PARD3B: variants seen among roughly 807,000 people sequenced by gnomAD.
The protein encoded by PARD3B is partitioning defective 3 homolog B.
A neutral mutation model predicts 130.2 loss-of-function variants in PARD3B; 103 were observed. The observed-to-expected ratio is 0.79, with a 90% confidence interval of 0.67 to 0.93. The LOEUF is 0.93. Among genes scored for constraint, PARD3B ranks in the 40% least tolerant of loss-of-function variants. The probability of loss-of-function intolerance (pLI) is 0.00; values close to 1 mark genes in which losing one functional copy is unlikely to be tolerated. For synonymous variants in PARD3B, 583 were observed against 553.2 expected (o/e 1.05, Z -0.76); for missense variants, 1,609 against 1,499.2 (o/e 1.07, Z -1.21).
intron 2 of PARD3B, among the ~76,000 whole-genome samples, chr2:204,844,416 AT>A (rs1173196156): frequency 6.6e-6 from 1 of 152,136 alleles, no homozygotes; most frequent in African/African-American, 2.4e-5. Context: ...GCAAAATTTT[AT>A]TTTTAAGTTA....
In PARD3B at chr2:204,983,947, G is replaced by A. The variant is rs577054147; in HGVS notation, c.394+18624G>A. On this transcript the variant is annotated intron_variant, in intron 3 of 22. Coordinates refer to ENST00000406610, the MANE Select transcript of PARD3B (RefSeq NM_001302769.2). Reference sequence around the variant, plus strand: ...AAACTTGTATTGAAGTTGTATGTCAGTACCCGTCCCCTCCTCTGTATGGAC... The same window carrying A: ...AAACTTGTATTGAAGTTGTATGTCAATACCCGTCCCCTCCTCTGTATGGAC... Among the ~76,000 whole-genome samples the A allele has an allele frequency of 4.3e-4, 65 of 152,020 alleles. 1 individual carries two copies. In the South Asian group the frequency reaches 7.5e-3, roughly 17 times the overall value.
At chr2:204,977,386 A>C (rs368011657) in intron 3 of PARD3B, among the ~76,000 whole-genome samples, 26 of 152,270 alleles carry the variant, frequency 1.7e-4, no homozygotes, top group African/African-American at 5.5e-4. Context: ...CCCTCAACTG[A>C]CCCAGAACAC....
chr2:205,068,379 T>G (rs1700516952), intron 4 of PARD3B, among the ~76,000 whole-genome samples: 1 of 152,302 alleles, frequency 6.6e-6, no homozygotes, highest in East Asian at 1.9e-4. Flanking sequence ...TTTGTACATA[T>G]TCTGTTTTTA....
intron 2 of PARD3B, among the ~76,000 whole-genome samples, chr2:204,752,579 C>A (rs538425815): frequency 9.7e-4 from 148 of 152,224 alleles, no homozygotes; most frequent in Non-Finnish European, 1.7e-3. Context: ...AAGCTTAGAA[C>A]GAAATTCATT....
chr2:205,455,627 A>G (rs1457347279), intron 20 of PARD3B, among the ~76,000 whole-genome samples: 1 of 151,894 alleles, frequency 6.6e-6, no homozygotes, highest in East Asian at 1.9e-4. Flanking sequence ...TATAGTTATA[A>G]TTATTATATA....
chr2:204,770,425 A>G (rs1310855151), intron 2 of PARD3B, among the ~76,000 whole-genome samples: 2 of 148,224 alleles, frequency 1.3e-5, no homozygotes, highest in African/African-American at 5.0e-5. Flanking sequence ...ACTTCCAACT[A>G]TGTGGTCAAT....
At chr2:204,919,105 A>T (rs7572649) in intron 2 of PARD3B, among the ~76,000 whole-genome samples, 15 of 152,028 alleles carry the variant, frequency 9.9e-5, no homozygotes, top group Non-Finnish European at 1.5e-4. Context: ...TGCTTTATTA[A>T]GTATCTATTT....
chr2:204,789,175 G>C (rs1398981667), intron 2 of PARD3B, among the ~76,000 whole-genome samples: 1 of 152,144 alleles, frequency 6.6e-6, no homozygotes, highest in African/African-American at 2.4e-5. Flanking sequence ...TCTTGCCTCA[G>C]CCTCCAGAGT....
intron 21 of PARD3B, among the ~76,000 whole-genome samples, chr2:205,532,603 A>C (rs747009964): frequency 6.6e-6 from 1 of 152,168 alleles, no homozygotes; most frequent in Non-Finnish European, 1.5e-5. Flanking sequence ...AATTATACAC[A>C]ATGAAACTAT....
intron 2 of PARD3B, among the ~76,000 whole-genome samples, chr2:204,730,116 C>T (rs1020842193): frequency 1.3e-5 from 2 of 151,604 alleles, no homozygotes; most frequent in Non-Finnish European, 2.9e-5. Context: ...CTCTTGTCAC[C>T]CAGGCTGGAG....
At chr2:204,600,077 A>C (rs559308264) in intron 1 of PARD3B, among the ~76,000 whole-genome samples, 6 of 151,496 alleles carry the variant, frequency 4.0e-5, no homozygotes, top group African/African-American at 1.4e-4. Context: ...TTTATTTTGA[A>C]TATTAATCCC....
At chr2:205,406,375 C>T (rs2106033190) in intron 19 of PARD3B, among the ~76,000 whole-genome samples, 1 of 152,058 alleles carries the variant, frequency 6.6e-6, no homozygotes, top group South Asian at 2.1e-4. Flanking sequence ...AGGGAAAAGT[C>T]CTTAAAATTA....
At chr2:205,127,805 A>C (rs985745818) in intron 10 of PARD3B, among the ~76,000 whole-genome samples, 1 of 152,136 alleles carries the variant, frequency 6.6e-6, no homozygotes, top group Admixed American at 6.5e-5. Context: ...TCCATACCCA[A>C]CCATTTGAAA....
At chr2:204,777,142 T>G (rs2041655857) in intron 2 of PARD3B, among the ~76,000 whole-genome samples, 1 of 152,176 alleles carries the variant, frequency 6.6e-6, no homozygotes, top group Admixed American at 6.5e-5. Flanking sequence ...AAAAACAACT[T>G]TGAATAAGTT....
In PARD3B at chr2:204,624,824, T is replaced by C. The variant is rs538220546; in HGVS notation, c.121-61357T>C. On this transcript the variant is annotated intron_variant, in intron 1 of 22. Transcript: ENST00000406610. ...TAAACTGTCAAACGATTTTCCAGAG[T>C]AGCTGTACTGCTTTCTACTGTCACC... Among the ~76,000 whole-genome samples the C allele has an allele frequency of 1.1e-4, 16 of 152,202 alleles. No homozygotes were observed. In the East Asian group the frequency reaches 3.1e-3, roughly 29 times the overall value.
At chr2:205,469,812 A>G (rs1335848128) in intron 20 of PARD3B, among the ~76,000 whole-genome samples, 1 of 152,212 alleles carries the variant, frequency 6.6e-6, no homozygotes, top group Non-Finnish European at 1.5e-5. Context: ...TGCTTCCCCC[A>G]TTTTAAAAAG....
In PARD3B at chr2:205,145,336, AAAGAG is replaced by A. The variant is rs936385322; in HGVS notation, c.1435-13383_1435-13379del. ...ACCCTCCGCCGCCCCCGCAAAAAAAAAAGAGAAAAGAAATTTCTCATATGGAAATG... is the reference window on the plus strand; with the variant it reads ...ACCCTCCGCCGCCCCCGCAAAAAAAAAAAAGAAATTTCTCATATGGAAATG... On this transcript the variant is annotated intron_variant, in intron 10 of 22. Coordinates refer to ENST00000406610, the MANE Select transcript of PARD3B (RefSeq NM_001302769.2). 9.9e-5 allele frequency among the ~76,000 whole-genome samples: 15 copies of A among 152,250 alleles called. 1 individual carries two copies. The highest frequency in any genetic ancestry group is 3.6e-4 in the African/African-American group (15 of 41,538).
intron 1 of PARD3B, among the ~76,000 whole-genome samples, chr2:204,616,631 A>T (rs1325313515): frequency 6.6e-6 from 1 of 152,208 alleles, no homozygotes; most frequent in East Asian, 1.9e-4. Context: ...TACTCAAAGG[A>T]GTTGAAAACT....
At chr2:205,102,292 A>G (rs921583137) in intron 4 of PARD3B, among the ~76,000 whole-genome samples, 2 of 152,120 alleles carry the variant, frequency 1.3e-5, no homozygotes, top group African/African-American at 4.8e-5. Context: ...TGCTTGATAT[A>G]TAGAGAAGCA....
Sources: allele counts gnomAD v4.1 joint callset (sites outside exome capture counted in the v4.1 genomes callset), GRCh38; gene constraint gnomAD v4.1.1; transcripts MANE v1.5; gene names NCBI Gene and HGNC (gene_info 2026-07-23, HGNC 2026-07-21).